The following TNFSF8 variants were observed in gnomAD, a reference collection of about 807,000 sequenced individuals.
TNFSF8 encodes the protein TNF superfamily member 8.
A neutral mutation model predicts 22.0 loss-of-function variants in TNFSF8; 4 were observed. That is an observed-to-expected ratio of 0.18 (90% confidence interval 0.09 to 0.42). TNFSF8 has a LOEUF of 0.42. Ranked by LOEUF, TNFSF8 falls within the 10% of genes least tolerant of loss-of-function variation. TNFSF8 has a pLI of 1.00. For synonymous variants in TNFSF8, 106 were observed against 112.5 expected, an observed-to-expected ratio of 0.94 and a Z score of 0.37; for missense variants, 233 against 281.8, an observed-to-expected ratio of 0.83 and a Z score of 1.24.
At chr9:114,917,303 G>A (rs1434444940) in intron 2 of TNFSF8, among the ~76,000 whole-genome samples, 1 of 152,222 alleles carries the variant, frequency 6.6e-6, no homozygotes, top group Admixed American at 6.5e-5. Flanking sequence ...ATGGGAGTTG[G>A]TGTTCTTGGG....
chr9:114,894,716 G>T (rs1037484930), intron 4 of TNFSF8, among the ~76,000 whole-genome samples: 19 of 152,196 alleles, frequency 1.2e-4, no homozygotes, highest in Middle Eastern at 3.2e-3. Flanking sequence ...GCAAGCAAGC[G>T]TTCAGTAAGT....
At chr9:114,906,110 G>A (rs1827781867) in intron 2 of TNFSF8, among the ~76,000 whole-genome samples, 1 of 152,044 alleles carries the variant, frequency 6.6e-6, no homozygotes, top group African/African-American at 2.4e-5. Context: ...GCTTCCACTT[G>A]GACTTTTATG....
At chr9:114,909,834 A>G (rs562881872) in intron 2 of TNFSF8, among the ~76,000 whole-genome samples, 1 of 152,356 alleles carries the variant, frequency 6.6e-6, no homozygotes, top group Non-Finnish European at 1.5e-5. Context: ...AATCTAAGTT[A>G]TGAATAGTCT....
chr9:114,906,907 T>C (rs1346896732), intron 2 of TNFSF8, among the ~76,000 whole-genome samples: 1 of 152,332 alleles, frequency 6.6e-6, no homozygotes, highest in East Asian at 1.9e-4. Flanking sequence ...GGACAATCTT[T>C]GACCTGACAT....
Position 114,902,396 on chromosome 9 carries a change from G to T in TNFSF8, c.*1535C>A. 4.1e-6 allele frequency: 4 copies of T among 985,458 alleles called. No individual in the cohort carries two copies. The highest frequency in any genetic ancestry group is 4.8e-6 in the Non-Finnish European group (4 of 829,938). The allele number at this position is 985,458 out of a possible 1,614,324, so 61.0% of individuals were successfully genotyped here. On this transcript the variant is annotated 3_prime_UTR_variant, in exon 4 of 4. Transcript: ENST00000223795. ...ACCACATCACTGTTGCACACTGATT[G>T]TTTGCTAAAGGCACAATGCTTTCCT...
intron 1 of TNFSF8, 132 bp downstream of exon 1, chr9:114,929,977 T>TAGAG (rs68180247): frequency 0.12 from 38,341 of 323,216 alleles, 2,462 homozygotes; most frequent in South Asian, 0.13. Context: ...TATATATATA[T>TAGAG]AGAGAGAGAG....
chr9:114,923,011 A>G (rs945440715), intron 1 of TNFSF8, among the ~76,000 whole-genome samples: 2 of 152,146 alleles, frequency 1.3e-5, no homozygotes, highest in African/African-American at 4.8e-5. Context: ...AGATGGCTGT[A>G]GGAGGCTGAG....
intron 2 of TNFSF8, among the ~76,000 whole-genome samples, chr9:114,906,171 A>C (rs1827782478): frequency 6.6e-6 from 1 of 152,134 alleles, no homozygotes; most frequent in Admixed American, 6.5e-5. Context: ...CATTCCTATA[A>C]TGTGTCAGGG....
downstream of TNFSF8, among the ~76,000 whole-genome samples, chr9:114,896,656 G>T (rs958203705): frequency 3.3e-5 from 5 of 152,160 alleles, no homozygotes; most frequent in Non-Finnish European, 7.4e-5. Flanking sequence ...ACTTTCTAAG[G>T]TTAATCTCAC....
At chr9:114,893,920 C>A in exon 5 of TNFSF8, 1 of 592,440 alleles carries the variant, frequency 1.7e-6, no homozygotes, top group Non-Finnish European at 3.0e-6. Flanking sequence ...AAATCATGGA[C>A]AGGTCTAGAT....
intron 1 of TNFSF8, among the ~76,000 whole-genome samples, chr9:114,924,520 C>T (rs1828033046): frequency 1.3e-5 from 2 of 152,052 alleles, no homozygotes; most frequent in African/African-American, 2.4e-5. Flanking sequence ...GGTCATGCTG[C>T]CTCCAGCTTA....
intron 2 of TNFSF8, among the ~76,000 whole-genome samples, chr9:114,909,957 C>A (rs1263907237): frequency 2.0e-5 from 3 of 152,196 alleles, no homozygotes; most frequent in Non-Finnish European, 4.4e-5. Flanking sequence ...CTATGGCAGG[C>A]TGATCCTAGG....
intron 2 of TNFSF8, among the ~76,000 whole-genome samples, chr9:114,912,461 C>G (rs138627667): frequency 6.6e-6 from 1 of 152,366 alleles, no homozygotes; most frequent in Non-Finnish European, 1.5e-5. Flanking sequence ...GCGATCTTGG[C>G]TCACTGCAAT....
intron 4 of TNFSF8, among the ~76,000 whole-genome samples, chr9:114,895,425 A>G (rs1399905428): frequency 1.3e-5 from 2 of 152,246 alleles, no homozygotes; most frequent in African/African-American, 4.8e-5. Context: ...CTGCAGGATG[A>G]AACCATCCTT....
At chr9:114,905,745 A>G in intron 3 of TNFSF8, 83 bp downstream of exon 3, 1 of 1,113,774 alleles carries the variant, frequency 9.0e-7, no homozygotes, top group Non-Finnish European at 1.4e-6. Flanking sequence ...TGGGACTCTA[A>G]TTATGACTTC....
chr9:114,899,794 A>G (rs529953707), downstream of TNFSF8, among the ~76,000 whole-genome samples: 3 of 152,356 alleles, frequency 2.0e-5, no homozygotes, highest in African/African-American at 7.2e-5. Context: ...GGAAGGAGCC[A>G]TTCAGATTCC....
intron 2 of TNFSF8, among the ~76,000 whole-genome samples, chr9:114,907,338 A>C (rs966429121): frequency 6.6e-6 from 1 of 152,142 alleles, no homozygotes; most frequent in Non-Finnish European, 1.5e-5. Flanking sequence ...TCCTCTGATC[A>C]GTGCTCTGGT....
rs941630400 is a variant in TNFSF8 at position 114,930,445 on chromosome 9, G to A, written c.-142C>T. The A allele has an allele frequency of 3.3e-6, 2 of 606,932 alleles. No individual in the cohort carries two copies. The highest frequency in any genetic ancestry group is 8.6e-5 in the Admixed American group (2 of 23,216). The allele number at this position is 606,932 out of a possible 1,614,324, so 37.6% of individuals were successfully genotyped here. Reference sequence around the variant, plus strand: ...AAAAACCTTCACCTGCTGCCTGGTGGAGAAACTCTTCTCTGGGGGCGTGAG... The same window carrying A: ...AAAAACCTTCACCTGCTGCCTGGTGAAGAAACTCTTCTCTGGGGGCGTGAG... On this transcript the variant is annotated 5_prime_UTR_variant, in exon 1 of 4. Transcript: ENST00000223795.
At position 114,901,599 on chromosome 9, in the gene TNFSF8, C is replaced by G. The variant is rs547262969; in HGVS notation, c.*2332G>C. 8.1e-6 allele frequency: 8 copies of G among 985,298 alleles called. No homozygotes were observed. In the African/African-American group the frequency reaches 1.4e-4, roughly 17 times the overall value. 61.0% of individuals were successfully genotyped at this position (985,298 alleles called of 1,614,324 possible). On this transcript the variant is annotated 3_prime_UTR_variant, in exon 4 of 4. Transcript: ENST00000223795. ...TGCATGAGTTGGTTTAAGCAAGATT[C>G]ATTTGTCCTATGCAGTTAGTGTGTG...
Sources: allele counts gnomAD v4.1 joint callset (sites outside exome capture counted in the v4.1 genomes callset), GRCh38; gene constraint gnomAD v4.1.1; transcripts MANE v1.5; gene names NCBI Gene and HGNC (gene_info 2026-07-23, HGNC 2026-07-21).